The following FRMPD3 variants were observed in gnomAD, a reference collection of about 807,000 sequenced individuals.
The protein encoded by FRMPD3 is FERM and PDZ domain containing 3.
In FRMPD3, 42 loss-of-function variants were observed where a neutral mutation model predicts 97.9. The ratio of observed to expected loss-of-function variants is 0.43; its 90% CI spans 0.34 to 0.55. FRMPD3 has a LOEUF of 0.55. Ranked by LOEUF, FRMPD3 falls within the 20% of genes least tolerant of loss-of-function variation. FRMPD3 has a pLI of 0.03. For missense variants in FRMPD3, 1,303 were observed against 1,457.7 expected (o/e 0.89, Z 1.73); for synonymous variants, 577 against 581.1 (o/e 0.99, Z 0.10).
At chrX:107,524,114 G>A (rs985167997) in intron 1 of FRMPD3, among the ~76,000 whole-genome samples, 5 of 112,319 alleles carry the variant, frequency 4.5e-5, no homozygotes, top group African/African-American at 9.7e-5. Flanking sequence ...CAACAAGTCC[G>A]GGTGGCAGGA....
intron 1 of FRMPD3, among the ~76,000 whole-genome samples, chrX:107,461,318 C>T (rs965583739): frequency 9.0e-6 from 1 of 111,519 alleles, no homozygotes; most frequent in African/African-American, 3.3e-5. Context: ...AAAGCTCCTG[C>T]CCCTCTTCAG....
At position 107,602,849 on chromosome X, in the gene FRMPD3, G is replaced by A. The variant is rs766864312; in HGVS notation, c.4810G>A (p.Val1604Ile). 5.4e-5 allele frequency: 65 copies of A among 1,209,213 alleles called. No homozygotes were observed. In the Admixed American group the frequency reaches 1.3e-3, roughly 25 times the overall value. The change falls in exon 15 of 15, where the codon GTC (valine) becomes ATC (isoleucine). Residue 1604 changes from valine to isoleucine, a missense_variant. Around this residue, in one of 3 missense-constraint regions of FRMPD3, gnomAD observed 764 missense variants for 820.2 expected, o/e 0.93. Coordinates refer to ENST00000683843, the MANE Select transcript of FRMPD3 (RefSeq NM_001388459.1). ...GCTGGACACCAACGAGCTGCTGACA[G>A]TCCTGCGGCAGTGTGTGGCCAGCCC... ...ARLDTNELLT[V>I]LRQCVASPEA...
At chrX:107,560,194 G>GAT (rs1922282989) in intron 8 of FRMPD3, 63 bp from the exon 9 acceptor site, 4 of 1,164,455 alleles carry the variant, frequency 3.4e-6, no homozygotes, top group Non-Finnish European at 4.7e-6. Context: ...TAAGGGAGTA[G>GAT]ATCAGGGGGT....
chrX:107,475,020 C>G (rs1041627624), intron 1 of FRMPD3, among the ~76,000 whole-genome samples: 1 of 111,511 alleles, frequency 9.0e-6, no homozygotes, highest in African/African-American at 3.3e-5. Flanking sequence ...ATCAGGCCCA[C>G]CTCCAACAGG....
rs1220506598 is a variant in FRMPD3 at position 107,605,130 on chromosome X, A to T, written c.*1757A>T. 1.8e-5 allele frequency: 2 copies of T among 111,099 alleles called. No homozygotes were observed. Among genetic ancestry groups the T allele is most frequent in the Non-Finnish European group, 3.8e-5 (2 of 52,992 alleles). 9.2% of individuals were successfully genotyped at this position (111,099 alleles called of 1,213,427 possible). Reference sequence around the variant, plus strand: ...CTCTCCCTCAGCCTCATGGAGAGGAAACATTTTCTAATGTCTGTATATAGT... The same window carrying T: ...CTCTCCCTCAGCCTCATGGAGAGGATACATTTTCTAATGTCTGTATATAGT... On this transcript the variant is annotated 3_prime_UTR_variant, in exon 15 of 15. Coordinates refer to ENST00000683843, the MANE Select transcript of FRMPD3 (RefSeq NM_001388459.1).
At chrX:107,551,899 C>T (rs1477911719) in intron 6 of FRMPD3, among the ~76,000 whole-genome samples, 4 of 112,460 alleles carry the variant, frequency 3.6e-5, no homozygotes, top group Admixed American at 1.9e-4. Flanking sequence ...AATAACTGAA[C>T]GTCTTTCAGT....
intron 4 of FRMPD3, among the ~76,000 whole-genome samples, chrX:107,542,048 G>A (rs1921336559): frequency 8.9e-6 from 1 of 112,682 alleles, no homozygotes; most frequent in African/African-American, 3.2e-5. Context: ...TGACTGTCAG[G>A]TAGAAAGATT....
At chrX:107,519,669 G>C (rs1397635296) in intron 1 of FRMPD3, among the ~76,000 whole-genome samples, 1 of 111,544 alleles carries the variant, frequency 9.0e-6, no homozygotes, top group African/African-American at 3.3e-5. Flanking sequence ...TGAGGAGAAA[G>C]AGAGTGGTAG....
At chrX:107,490,917 G>C (rs113316237) in intron 1 of FRMPD3, among the ~76,000 whole-genome samples, 3 of 112,036 alleles carry the variant, frequency 2.7e-5, no homozygotes, top group African/African-American at 9.7e-5. Context: ...CTAGCTAGCT[G>C]GTTGATAGCT....
rs919827883 is a variant in FRMPD3 at position 107,461,590 on chromosome X, C to T, written c.-8+11585C>T. On this transcript the variant is annotated intron_variant, in intron 1 of 14. Coordinates refer to ENST00000683843, the MANE Select transcript of FRMPD3 (RefSeq NM_001388459.1). ...TCTCTGCATTCAGCCTCCCCATCAG[C>T]GCCAAGTGATCCTTCAACGCTGCTG... is the stretch of plus-strand genomic sequence containing the variant. Among the ~76,000 whole-genome samples, 10 of 110,683 alleles carry T rather than the reference C, an allele frequency of 9.0e-5. No homozygotes were observed. The East Asian group carries it at 1.4e-3, about 16-fold the overall frequency.
At chrX:107,547,329 C>T (rs932677989) in intron 5 of FRMPD3, among the ~76,000 whole-genome samples, 10 of 110,548 alleles carry the variant, frequency 9.0e-5, no homozygotes, top group Non-Finnish European at 1.7e-4. Context: ...AACTCCTTCC[C>T]TTCCTCCCCA....
Position 107,600,534 on chromosome X carries a change from C to T in FRMPD3, c.2495C>T (p.Ser832Phe). Residue 832 changes from serine (S) to phenylalanine (F), a missense_variant, in exon 15 of 15, where the codon TCT becomes TTT. Around this residue, in one of 3 missense-constraint regions of FRMPD3, gnomAD observed 764 missense variants for 820.2 expected, o/e 0.93. Transcript: ENST00000683843. The stretch of plus-strand genomic sequence containing the variant: ...CAGGCCGTTCTTACGGCCCCTTACT[C>T]TCTTGGGCGCCCGGATCCCAACCCA... ...AAQAVLTAPY[S>F]LGRPDPNPSL... is the part of the protein sequence containing the mutation. 8.3e-7 allele frequency: 1 copy of T among 1,210,915 alleles called. No homozygotes were observed. The highest frequency in any genetic ancestry group is 1.1e-6 in the Non-Finnish European group (1 of 895,377).
At position 107,595,239 on chromosome X, in the gene FRMPD3, C is replaced by T. The variant is rs185459805; in HGVS notation, c.1442-2082C>T. On this transcript the variant is annotated intron_variant, in intron 13 of 14. Coordinates refer to ENST00000683843, the MANE Select transcript of FRMPD3 (RefSeq NM_001388459.1). Reference sequence around the variant, plus strand: ...GGCTGAGGCGGGAGGATCACTTCAGCCCAGGAGGTGAAGGTTGCAGTGAGC... The same window carrying T: ...GGCTGAGGCGGGAGGATCACTTCAGTCCAGGAGGTGAAGGTTGCAGTGAGC... Among the ~76,000 whole-genome samples the T allele has an allele frequency of 2.7e-5, 3 of 110,020 alleles. No individual in the cohort carries two copies. In the East Asian group the frequency reaches 8.7e-4, roughly 32 times the overall value.
chrX:107,574,165 G>A (rs912254011), intron 12 of FRMPD3, among the ~76,000 whole-genome samples: 17 of 111,888 alleles, frequency 1.5e-4, no homozygotes, highest in African/African-American at 5.2e-4. Flanking sequence ...TCACTTCAGC[G>A]AGCGCTGTGG....
Position 107,602,396 on chromosome X carries a change from T to C in FRMPD3, c.4357T>C (p.Tyr1453His). The part of the protein sequence containing the change: ...LESPTLGDPS[Y>H]VQVAPETKGP... ...GTCACCGACGCTGGGAGACCCCTCC[T>C]ACGTCCAGGTTGCCCCAGAGACCAA... Residue 1453 changes from tyrosine (Y) to histidine (H), a missense_variant, in exon 15 of 15, where the codon TAC becomes CAC. Coordinates refer to ENST00000683843, the MANE Select transcript of FRMPD3 (RefSeq NM_001388459.1). The C allele has an allele frequency of 8.3e-7, 1 of 1,210,418 alleles. No homozygotes were observed. Among genetic ancestry groups the C allele is most frequent in the Non-Finnish European group, 1.1e-6 (1 of 895,031 alleles).
chrX:107,453,687 A>G (rs1434444989), intron 1 of FRMPD3, among the ~76,000 whole-genome samples: 1 of 111,788 alleles, frequency 8.9e-6, no homozygotes, highest in Non-Finnish European at 1.9e-5. Flanking sequence ...AATCCAGAGA[A>G]ACATGCCATT....
chrX:107,585,100 T>A (rs1175753051), intron 13 of FRMPD3, among the ~76,000 whole-genome samples: 1 of 111,939 alleles, frequency 8.9e-6, no homozygotes, highest in Non-Finnish European at 1.9e-5. Flanking sequence ...TGCATTTGCT[T>A]GTATCCTCTC....
In FRMPD3 at chrX:107,522,929, G is replaced by C. The variant is rs758727938; in HGVS notation, c.-7-3653G>C. Among the ~76,000 whole-genome samples the C allele has an allele frequency of 5.4e-5, 6 of 110,119 alleles. No homozygotes were observed. In the South Asian group the frequency reaches 2.4e-3, roughly 44 times the overall value. On this transcript the variant is annotated intron_variant, in intron 1 of 14. Transcript: ENST00000683843. Reference sequence around the variant, plus strand: ...AGAAACAAACCTCGTGGGGTGGCGGGGGGTGGGGGATAAGCATTGGCTGCT... The same window carrying C: ...AGAAACAAACCTCGTGGGGTGGCGGCGGGTGGGGGATAAGCATTGGCTGCT...
chrX:107,483,324 G>A (rs1181359274), intron 1 of FRMPD3, among the ~76,000 whole-genome samples: 1 of 112,333 alleles, frequency 8.9e-6, no homozygotes. Flanking sequence ...TCACCCAGAA[G>A]GAGTAACTTT....
Sources: gnomAD v4.1 joint callset for allele counts (sites outside exome capture counted in the v4.1 genomes callset) on GRCh38, gnomAD v4.1.1 for gene constraint, gnomAD v4.1.1 regional missense constraint, MANE v1.5 for transcripts, NCBI Gene and HGNC (gene_info 2026-07-23, HGNC 2026-07-21) for gene names.